The following TMEM38B variants were observed in gnomAD, a reference collection of about 807,000 sequenced individuals.
The protein encoded by TMEM38B is transmembrane protein 38B, also known as trimeric intracellular cation channel type B.
TMEM38B carries 24 observed loss-of-function variants against 28.7 expected under a neutral mutation model. The observed-to-expected ratio is 0.84, with a 90% CI of 0.61 to 1.18. The LOEUF (loss-of-function observed/expected upper bound fraction) is 1.18. Among genes scored for constraint, TMEM38B ranks in the 50% most tolerant of loss-of-function variants. The probability of loss-of-function intolerance (pLI) is 0.00; values close to 1 mark genes in which losing one functional copy is unlikely to be tolerated. For missense variants in TMEM38B, 380 were observed against 350.9 expected, an observed-to-expected ratio of 1.08 and a Z score of -0.66; for synonymous variants, 131 against 127.7, an observed-to-expected ratio of 1.03 and a Z score of -0.17.
intron 2 of TMEM38B, chr9:105,710,879 C>T: frequency 3.4e-6 from 1 of 294,914 alleles, no homozygotes; most frequent in Non-Finnish European, 6.6e-6. Context: ...GAGGGCTCCG[C>T]TATGGCAACC....
At chr9:105,746,108 T>C (rs1228732671) in intron 4 of TMEM38B, among the ~76,000 whole-genome samples, 1 of 152,204 alleles carries the variant, frequency 6.6e-6, no homozygotes, top group East Asian at 1.9e-4. Context: ...TTTTTTCCAA[T>C]TCTGTGGAGA....
In TMEM38B at chr9:105,731,255, G is replaced by A. The variant is rs1836731918; in HGVS notation, c.542+8634G>A. On this transcript the variant is annotated intron_variant, in intron 4 of 5. Transcript: ENST00000374692. ...CTTTAAATGTGCCCCAGAGATTCTG[G>A]TACGTTGTAGCTTTGTTCTCATTGG... Among the ~76,000 whole-genome samples, 2 of 151,820 alleles carry A rather than the reference G, an allele frequency of 1.3e-5. 1 individual carries two copies. Among genetic ancestry groups the A allele is most frequent in the Non-Finnish European group, 2.9e-5 (2 of 67,954 alleles).
rs1355069658 is a variant in TMEM38B at position 105,721,726 on chromosome 9, T to C, written c.454+5T>C. On this transcript the variant is annotated splice_donor_5th_base_variant and intron_variant, in intron 3 of 5. Coordinates refer to ENST00000374692, the MANE Select transcript of TMEM38B (RefSeq NM_018112.3). ...TAGCTATTGGATGGGCCCGAGGTAA[T>C]ATTGACAATATGTGTTCATAAATAT... 6.3e-7 allele frequency: 1 copy of C among 1,599,824 alleles called. No individual in the cohort carries two copies. The highest frequency in any genetic ancestry group is 8.5e-7 in the Non-Finnish European group (1 of 1,171,204).
chr9:105,718,737 G>A (rs910363758), intron 2 of TMEM38B, among the ~76,000 whole-genome samples: 5 of 151,936 alleles, frequency 3.3e-5, no homozygotes, highest in African/African-American at 9.7e-5. Context: ...AGCTGTTCCC[G>A]GGGGAAATAA....
At chr9:105,720,639 C>CCT (rs1836280790) in intron 2 of TMEM38B, among the ~76,000 whole-genome samples, 1 of 152,022 alleles carries the variant, frequency 6.6e-6, no homozygotes, top group Admixed American at 6.5e-5. Flanking sequence ...TTGAAGAATT[C>CCT]TGACTTTATA....
intron 5 of TMEM38B, chr9:105,749,092 G>A (rs763764267): frequency 2.3e-6 from 3 of 1,303,754 alleles, no homozygotes; most frequent in African/African-American, 1.5e-5. Context: ...AATTGGAGAT[G>A]ATCTGTGGCT....
At chr9:105,763,074 T>A in intron 5 of TMEM38B, among the ~76,000 whole-genome samples, 1 of 149,584 alleles carries the variant, frequency 6.7e-6, no homozygotes, top group Admixed American at 6.7e-5. Context: ...AAGTGTCTGT[T>A]CATGTCCTTT....
chr9:105,739,567 C>T (rs917461015), intron 4 of TMEM38B, among the ~76,000 whole-genome samples: 7 of 152,126 alleles, frequency 4.6e-5, no homozygotes, highest in Non-Finnish European at 1.0e-4. Context: ...ACTCTGTCCC[C>T]AGGCTGGAGT....
chr9:105,731,846 G>A (rs1836760870), intron 4 of TMEM38B, among the ~76,000 whole-genome samples: 1 of 152,098 alleles, frequency 6.6e-6, no homozygotes, highest in South Asian at 2.1e-4. Context: ...TGGGTTAAAT[G>A]GTATTTCTAG....
intron 4 of TMEM38B, among the ~76,000 whole-genome samples, chr9:105,730,051 T>A (rs1489851181): frequency 6.6e-6 from 1 of 152,196 alleles, no homozygotes; most frequent in Non-Finnish European, 1.5e-5. Flanking sequence ...CCTCTCTTCC[T>A]ATTTGAATAC....
chr9:105,760,772 G>A, intron 5 of TMEM38B: 4 of 956,520 alleles, frequency 4.2e-6, no homozygotes, highest in East Asian at 5.3e-5. Context: ...TAAAAATTAT[G>A]TAATACTTGT....
chr9:105,706,097 C>G (rs182044022), intron 2 of TMEM38B, among the ~76,000 whole-genome samples: 1 of 152,202 alleles, frequency 6.6e-6, no homozygotes, highest in East Asian at 1.9e-4. Context: ...CGGGGTTTCA[C>G]CATGTTGGCC....
intron 5 of TMEM38B, among the ~76,000 whole-genome samples, chr9:105,752,675 A>G (rs1339510981): frequency 6.6e-6 from 1 of 152,214 alleles, no homozygotes. Flanking sequence ...GAAGTCAGCA[A>G]CTTCAAAGAT....
Position 105,705,607 on chromosome 9 carries a change from A to G in TMEM38B, c.123A>G (p.Ala41=). Reference sequence around the variant, plus strand: ...ACTTTACCATTTCAGGAGCAGCTGCATTGGCATGGAAGAATCCTATTTCAA... The same window carrying G: ...ACTTTACCATTTCAGGAGCAGCTGCGTTGGCATGGAAGAATCCTATTTCAA... ...MAVKRQPGAA[A]LAWKNPISSW... The change falls in exon 2 of 6, where the codon GCA becomes GCG. Residue 41 remains alanine (A), a synonymous_variant. Transcript: ENST00000374692. The G allele has an allele frequency of 6.2e-7, 1 of 1,612,926 alleles. No individual in the cohort carries two copies. Among genetic ancestry groups the G allele is most frequent in the South Asian group, 1.1e-5 (1 of 90,858 alleles).
intron 4 of TMEM38B, among the ~76,000 whole-genome samples, chr9:105,724,178 C>G (rs1297956752): frequency 1.3e-5 from 2 of 151,948 alleles, no homozygotes; most frequent in Non-Finnish European, 2.9e-5. Context: ...TTCTCATGTA[C>G]CTAAAAATGA....
At chr9:105,764,765 G>A (rs1375001506) in intron 5 of TMEM38B, among the ~76,000 whole-genome samples, 13 of 151,102 alleles carry the variant, frequency 8.6e-5, no homozygotes, top group Admixed American at 4.6e-4. Flanking sequence ...AAAAGAGCCC[G>A]CATCGCCAAG....
chr9:105,749,086 G>A, intron 5 of TMEM38B: 1 of 1,303,828 alleles, frequency 7.7e-7, no homozygotes, highest in Non-Finnish European at 1.0e-6. Flanking sequence ...TCTCTGAATT[G>A]GAGATGATCT....
intron 2 of TMEM38B, among the ~76,000 whole-genome samples, chr9:105,712,719 T>C (rs1260554313): frequency 1.3e-5 from 2 of 152,242 alleles, no homozygotes; most frequent in Non-Finnish European, 2.9e-5. Flanking sequence ...AATATTACTA[T>C]AAATGATGAC....
At chr9:105,731,403 C>G (rs982143998) in intron 4 of TMEM38B, among the ~76,000 whole-genome samples, 1 of 151,760 alleles carries the variant, frequency 6.6e-6, no homozygotes, top group Non-Finnish European at 1.5e-5. Flanking sequence ...TGTGCTGCAC[C>G]CATTAACTCG....
Sources: allele counts gnomAD v4.1 joint callset (sites outside exome capture counted in the v4.1 genomes callset), GRCh38; gene constraint gnomAD v4.1.1; transcripts MANE v1.5; gene names NCBI Gene and HGNC (gene_info 2026-07-23, HGNC 2026-07-21).